ZACN: variants seen among roughly 807,000 people sequenced by gnomAD.
ZACN encodes zinc activated ion channel.
ZACN carries 52 observed loss-of-function variants against 38.9 expected under a neutral mutation model. That is an observed-to-expected ratio of 1.34 (90% confidence interval 1.07 to 1.68). ZACN has a LOEUF of 1.68. ZACN is among the 40% of genes most tolerant of loss of function. The pLI, the probability that ZACN is intolerant of heterozygous loss-of-function variation, is 0.00. For synonymous variants in ZACN, 235 were observed against 227.4 expected (o/e 1.03, Z -0.30); for missense variants, 559 against 525.6 (o/e 1.06, Z -0.62).
chr17:76,081,873 C>CT lies in ZACN; in HGVS notation c.881-8dup, dbSNP rs761978685. 62 of 1,608,360 alleles carry CT rather than the reference C, an allele frequency of 3.9e-5. No individual in the cohort carries two copies. Among genetic ancestry groups the CT allele is most frequent in the Non-Finnish European group, 5.0e-5 (59 of 1,176,092 alleles). ...CCCTGAGCATCTCCCTGTGCCCTGC[C>CT]TCCCCCAGTTTACTACTTCACCATC... On this transcript the variant is annotated splice_polypyrimidine_tract_variant and intron_variant, in intron 7 of 8. Coordinates refer to ENST00000334586, the MANE Select transcript of ZACN (RefSeq NM_180990.4).
chr17:76,081,316 A>G lies in ZACN; in HGVS notation c.583A>G (p.Ile195Val), dbSNP rs139395139. 15 of 1,614,072 alleles carry G rather than the reference A, an allele frequency of 9.3e-6. No individual in the cohort carries two copies. The African/African-American group carries it at 1.1e-4, about 11-fold the overall frequency. Residue 195 changes from isoleucine (I) to valine (V), a missense_variant, in exon 6 of 9, where the codon ATT becomes GTT. By Grantham distance (29) the Ile-to-Val change is conservative (BLOSUM62 3). Transcript: ENST00000334586. Reference protein sequence around the residue: ...LEFQAHVVNEIVSVKREYVVY... With the variant: ...LEFQAHVVNEVVSVKREYVVY... ...GTTCCAGGCCCACGTGGTGAACGAG[A>G]TTGTGAGTGTCAAGAGGGAATACGT...
At chr17:76,080,691 C>T (rs762532122) in intron 5 of ZACN, 1 of 607,270 alleles carries the variant, frequency 1.6e-6, no homozygotes, top group South Asian at 1.6e-5. Context: ...GGGTGACAGA[C>T]TCAAACATTC....
rs1465781225 is a variant in ZACN, at chr17:76,079,237, T to A, written c.-28T>A. On this transcript the variant is annotated 5_prime_UTR_variant, in exon 1 of 9. Coordinates refer to ENST00000334586, the MANE Select transcript of ZACN (RefSeq NM_180990.4). ...ATAGAGGTTGTAGCTTAGGCACCGC[T>A]GCTCCCTCCAGTCCCTCCGTGCAGC... is the stretch of plus-strand genomic sequence containing the variant. 4 of 1,591,342 alleles carry A rather than the reference T, an allele frequency of 2.5e-6. No homozygotes were observed. The highest frequency in any genetic ancestry group is 3.4e-6 in the Non-Finnish European group (4 of 1,165,436).
At chr17:76,081,486 G>A (rs930680424) in intron 6 of ZACN, 59 bp from the exon 7 acceptor site, 9 of 1,609,680 alleles carry the variant, frequency 5.6e-6, no homozygotes, top group African/African-American at 1.3e-5. Context: ...CAGGCCCCAT[G>A]CCCCCGATGC....
intron 4 of ZACN, 83 bp from the exon 5 acceptor site, chr17:76,080,172 G>A (rs956118907): frequency 1.2e-5 from 18 of 1,507,048 alleles, no homozygotes; most frequent in Non-Finnish European, 1.6e-5. Flanking sequence ...AAGCAGCTGG[G>A]GTTGGGGTTG....
intron 5 of ZACN, chr17:76,080,627 A>C (rs1455487552): frequency 8.0e-6 from 6 of 749,090 alleles, no homozygotes; most frequent in African/African-American, 5.2e-5. Context: ...TGCGCCCCCC[A>C]CTCGAGTGGC....
At chr17:76,081,004 C>T in intron 5 of ZACN, 2 of 422,658 alleles carry the variant, frequency 4.7e-6, no homozygotes, top group East Asian at 5.6e-5. Flanking sequence ...GTGACCACTT[C>T]TCCCTCCATC....
At chr17:76,081,778 G>A (rs2066989339) in intron 7 of ZACN, 23 bp downstream of exon 7, 1 of 1,613,796 alleles carries the variant, frequency 6.2e-7, no homozygotes, top group Non-Finnish European at 8.5e-7. Flanking sequence ...CCCTTACCCA[G>A]TCTGCCCTGT....
In ZACN at chr17:76,079,903, C is replaced by T. The variant is rs113860382; in HGVS notation, c.283C>T (p.Arg95Cys). 8.0e-3 allele frequency: 12,847 copies of T among 1,596,596 alleles called. 74 individuals are homozygous for T. Among genetic ancestry groups the T allele is most frequent in the Non-Finnish European group, 9.7e-3 (11,412 of 1,171,414 alleles). Residue 95 changes from arginine (R) to cysteine (C), a missense_variant, in exon 4 of 9, where the codon CGC (arginine) becomes TGC (cysteine). Transcript: ENST00000334586. ...GTGTCCCCAGTCCTGGCTGGACACT[C>T]GCCTGGCCTGGAACACTAGTGCACA... ...LLLRLSWLDT[R>C]LAWNTSAHPR...
intron 8 of ZACN, chr17:76,082,261 C>T (rs1048063528): frequency 1.7e-5 from 13 of 768,820 alleles, no homozygotes; most frequent in African/African-American, 1.6e-4. Flanking sequence ...TGACCTCAAT[C>T]CCCTGATAAC....
rs768296457 is a variant in ZACN, at chr17:76,079,957, G to A, written c.337G>A (p.Glu113Lys). 20 of 1,597,496 alleles carry A rather than the reference G, an allele frequency of 1.3e-5. No individual in the cohort carries two copies. In the Admixed American group the frequency reaches 3.1e-4, roughly 25 times the overall value. Residue 113 changes from glutamate to lysine, a missense_variant, in exon 4 of 9, where the codon GAG becomes AAG. Coordinates refer to ENST00000334586, the MANE Select transcript of ZACN (RefSeq NM_180990.4). Reference protein sequence around the residue: ...HPRHAITLPWESLWTPRLTIL... With the variant: ...HPRHAITLPWKSLWTPRLTIL... Reference sequence around the variant, plus strand: ...GCGGCACGCCATCACGCTGCCCTGGGAGTCTCTCTGGACACCAAGGCTCAC... The same window carrying A: ...GCGGCACGCCATCACGCTGCCCTGGAAGTCTCTCTGGACACCAAGGCTCAC...
At position 76,081,399 on chromosome 17, in the gene ZACN, G is replaced by C. The variant is rs201632789; in HGVS notation, c.666G>C (p.Val222=). 1 of 1,614,104 alleles carries C rather than the reference G, an allele frequency of 6.2e-7. No individual in the cohort carries two copies. The highest frequency in any genetic ancestry group is 2.2e-5 in the East Asian group (1 of 44,878). ...AGCAGCTGGTGCCCTGCTTCCAGGT[G>C]ACGGTGAGTCAAGTCGGGAGGAGGC... ...PPQQLVPCFQ[V]TLRLKNTALK... is the part of the protein sequence containing the mutation. The change falls in exon 6 of 9, where the codon GTG becomes GTC. Residue 222 remains valine, a synonymous_variant. Transcript: ENST00000334586.
intron 4 of ZACN, 110 bp downstream of exon 4, chr17:76,080,104 C>A: frequency 6.8e-7 from 1 of 1,467,918 alleles, no homozygotes; most frequent in Non-Finnish European, 9.2e-7. Flanking sequence ...GCGGTCCCCG[C>A]CGGACTAGCA....
chr17:76,081,219 C>G, intron 5 of ZACN, 59 bp from the exon 6 acceptor site: 2 of 1,603,890 alleles, frequency 1.2e-6, no homozygotes, highest in Non-Finnish European at 1.7e-6. Context: ...CTGCTACCCC[C>G]AGACTTGGCA....
Position 76,082,744 on chromosome 17 carries a change from C to G in ZACN, c.*91C>G, listed in dbSNP as rs1194037162. 4 of 1,264,020 alleles carry G rather than the reference C, an allele frequency of 3.2e-6. No individual in the cohort carries two copies. In the Admixed American group the frequency reaches 1.1e-4, roughly 35 times the overall value. 78.3% of individuals were successfully genotyped at this position (1,264,020 alleles called of 1,614,324 possible). ...TGACAGGGCCTCTGGATTAAGCCAC[C>G]CTGAGCTCTCCCTCCGCTAGCACAC... is the stretch of plus-strand genomic sequence containing the variant. On this transcript the variant is annotated 3_prime_UTR_variant, in exon 9 of 9. Coordinates refer to ENST00000334586, the MANE Select transcript of ZACN (RefSeq NM_180990.4).
In ZACN at chr17:76,079,483, G is replaced by T; in HGVS notation, c.142G>T (p.Glu48Ter). The change falls in exon 2 of 9, where the codon GAA becomes TAA. Residue 48 changes from glutamate (E) to a stop codon, truncating the protein, a stop_gained. Transcript: ENST00000334586. LOFTEE classifies it high-confidence loss of function. ...CGTCAACTTGTCCAAGAAGGTTCAG[G>T]AAAGCATCCAGATCCCGAACAATGG... ...FNVNLSKKVQ[E>*]SIQIPNNGSA... 6.2e-7 allele frequency: 1 copy of T among 1,614,144 alleles called. No individual in the cohort carries two copies.
At chr17:76,081,109 G>A in intron 5 of ZACN, 169 bp from the exon 6 acceptor site, 1 of 845,048 alleles carries the variant, frequency 1.2e-6, no homozygotes, top group Non-Finnish European at 1.8e-6. Flanking sequence ...TTGGGATGTT[G>A]CAAAACAAGG....
At position 76,079,983 on chromosome 17, in the gene ZACN, C is replaced by T. The variant is rs1264787278; in HGVS notation, c.363C>T (p.Thr121=). 1.9e-6 allele frequency: 3 copies of T among 1,582,216 alleles called. No individual in the cohort carries two copies. Among genetic ancestry groups the T allele is most frequent in the Admixed American group, 3.5e-5 (2 of 56,570 alleles). Residue 121 remains threonine (T), a synonymous_variant, in exon 4 of 9, where the codon ACC becomes ACT. Coordinates refer to ENST00000334586, the MANE Select transcript of ZACN (RefSeq NM_180990.4). ...PWESLWTPRL[T]ILEALWVDWR... ...AGTCTCTCTGGACACCAAGGCTCAC[C>T]ATCCTGGAGGCGTAAGTGAGACAGT...
chr17:76,079,818 T>C, intron 3 of ZACN, 70 bp from the exon 4 acceptor site: 2 of 1,602,954 alleles, frequency 1.2e-6, no homozygotes, highest in Non-Finnish European at 1.7e-6. Context: ...CCAGCCTTCA[T>C]CAACATGCTG....
Sources: gnomAD v4.1 joint callset for allele counts on GRCh38, gnomAD v4.1.1 for gene constraint, MANE v1.5 for transcripts, NCBI Gene and HGNC (gene_info 2026-07-23, HGNC 2026-07-21) for gene names.